CNTLN: variants seen among roughly 807,000 people sequenced by gnomAD.
CNTLN encodes the protein centlein, also known as centlein, centrosomal protein.
In CNTLN, 212 loss-of-function variants were observed where a neutral mutation model predicts 180.0. The ratio of observed to expected loss-of-function variants is 1.18; its 90% CI spans 1.05 to 1.32. CNTLN has a LOEUF of 1.32. Among genes scored for constraint, CNTLN ranks in the 40% most tolerant of loss-of-function variants. CNTLN has a pLI of 0.00. For missense variants in CNTLN, 2,095 were observed against 1,610.9 expected (o/e 1.30, Z -5.14); for synonymous variants, 722 against 563.1 (o/e 1.28, Z -3.99).
At chr9:17,369,804 T>C (rs1391730330) in intron 13 of CNTLN, among the ~76,000 whole-genome samples, 1 of 151,570 alleles carries the variant, frequency 6.6e-6, no homozygotes, top group African/African-American at 2.4e-5. Flanking sequence ...CTGGCCAATA[T>C]GGTGGAACCC....
intron 5 of CNTLN, among the ~76,000 whole-genome samples, chr9:17,253,579 A>G (rs746003975): frequency 6.6e-6 from 1 of 151,154 alleles, no homozygotes; most frequent in Non-Finnish European, 1.5e-5. Context: ...TTCATTACTA[A>G]TGTATGGAAA....
chr9:17,283,464 T>A (rs1478151534), intron 6 of CNTLN, among the ~76,000 whole-genome samples: 1 of 152,206 alleles, frequency 6.6e-6, no homozygotes, highest in South Asian at 2.1e-4. Flanking sequence ...GAGACTTTGC[T>A]GAAGTTGCAT....
At chr9:17,188,479 G>A (rs533596153) in intron 2 of CNTLN, among the ~76,000 whole-genome samples, 1 of 152,010 alleles carries the variant, frequency 6.6e-6, no homozygotes, top group Non-Finnish European at 1.5e-5. Flanking sequence ...TTATTTTACC[G>A]ATAAGAATTG....
chr9:17,205,472 G>T (rs187849004), intron 2 of CNTLN, among the ~76,000 whole-genome samples: 33 of 152,156 alleles, frequency 2.2e-4, no homozygotes, highest in African/African-American at 7.5e-4. Context: ...CACCAGAGTC[G>T]GACACCGAAC....
chr9:17,321,453 C>T (rs1050974723), intron 8 of CNTLN, among the ~76,000 whole-genome samples: 8 of 152,142 alleles, frequency 5.3e-5, no homozygotes, highest in Non-Finnish European at 5.9e-5. Context: ...CAGTGATTGA[C>T]AGTCTTAAGT....
chr9:17,447,376 T>C (rs969781000), intron 18 of CNTLN: 6 of 191,176 alleles, frequency 3.1e-5, no homozygotes, highest in Admixed American at 2.9e-4. Context: ...AAAAAGTGTT[T>C]GGAAAAGTTC....
intron 2 of CNTLN, among the ~76,000 whole-genome samples, chr9:17,214,190 TACCGG>T: frequency 6.6e-6 from 1 of 152,234 alleles, no homozygotes; most frequent in Non-Finnish European, 1.5e-5. Flanking sequence ...CAGTGACTGG[TACCGG>T]TTGTTCCTTT....
At chr9:17,135,717 C>G (rs574432918) in intron 1 of CNTLN, among the ~76,000 whole-genome samples, 12 of 152,232 alleles carry the variant, frequency 7.9e-5, no homozygotes, top group Non-Finnish European at 1.2e-4. Flanking sequence ...CGCTTCCCCC[C>G]CAAGCCCAAG....
At chr9:17,513,976 G>C in the CNTLN span, among the ~76,000 whole-genome samples, 1 of 152,094 alleles carries the variant, frequency 6.6e-6, no homozygotes, top group African/African-American at 2.4e-5. Context: ...TATATGATTT[G>C]CTAGCCAAAT....
chr9:17,394,149 A>G (rs1331263467), intron 14 of CNTLN, among the ~76,000 whole-genome samples: 1 of 152,178 alleles, frequency 6.6e-6, no homozygotes, highest in Non-Finnish European at 1.5e-5. Context: ...GAATATTGAA[A>G]AAAAGTTATT....
chr9:17,162,101 GTCTT>G (rs1468238046), intron 2 of CNTLN, among the ~76,000 whole-genome samples: 9 of 151,832 alleles, frequency 5.9e-5, no homozygotes, highest in Admixed American at 1.3e-4. Flanking sequence ...TTTGATACTT[GTCTT>G]TCTTTATTTC....
intron 2 of CNTLN, among the ~76,000 whole-genome samples, chr9:17,184,256 A>T (rs541784149): frequency 3.3e-5 from 5 of 152,168 alleles, no homozygotes; most frequent in African/African-American, 9.6e-5. Flanking sequence ...ATATATGTAT[A>T]AAAAATTCTT....
downstream of CNTLN, among the ~76,000 whole-genome samples, chr9:17,507,706 A>G (rs535889488): frequency 1.3e-5 from 2 of 152,324 alleles, no homozygotes; most frequent in African/African-American, 4.8e-5. Flanking sequence ...ATTTTTTAAA[A>G]AAGCTTCGAC....
intron 6 of CNTLN, among the ~76,000 whole-genome samples, chr9:17,275,099 T>A (rs550847292): frequency 2.0e-5 from 3 of 152,130 alleles, no homozygotes; most frequent in Admixed American, 2.0e-4. Context: ...TAAATAGGAA[T>A]AGAATCTTAG....
chr9:17,457,644 A>G lies in CNTLN; in HGVS notation c.3235A>G (p.Ile1079Val), dbSNP rs778241756. ...EENSQVTFPR[I>V]QVTSLSPSRS... ...AAATTCCCAGGTAACATTTCCACGG[A>G]TACAAGTTACATCACTTAGTCCTTC... The change falls in exon 19 of 26, where the codon ATA (isoleucine) becomes GTA (valine). Residue 1079 changes from isoleucine (I) to valine (V), a missense_variant. By Grantham distance (29) the Ile-to-Val change is conservative. Transcript: ENST00000380647. 1.3e-6 allele frequency: 2 copies of G among 1,549,616 alleles called. No homozygotes were observed. The highest frequency in any genetic ancestry group is 2.5e-5 in the South Asian group (2 of 80,846).
intron 8 of CNTLN, among the ~76,000 whole-genome samples, chr9:17,311,702 G>A (rs1819146499): frequency 6.6e-6 from 1 of 151,968 alleles, no homozygotes; most frequent in Non-Finnish European, 1.5e-5. Flanking sequence ...CCATCTACTC[G>A]GGAGGCTGAG....
At chr9:17,155,715 C>T (rs1819232369) in intron 2 of CNTLN, among the ~76,000 whole-genome samples, 1 of 152,044 alleles carries the variant, frequency 6.6e-6, no homozygotes, top group Non-Finnish European at 1.5e-5. Flanking sequence ...GGGGGTGGGA[C>T]CTGCTGAGCC....
intron 14 of CNTLN, among the ~76,000 whole-genome samples, chr9:17,393,523 C>T (rs977953974): frequency 6.6e-6 from 1 of 152,020 alleles, no homozygotes; most frequent in Non-Finnish European, 1.5e-5. Context: ...GCACAAAATC[C>T]TGAATTTGGA....
intron 21 of CNTLN, among the ~76,000 whole-genome samples, chr9:17,465,449 A>G (rs1831691633): frequency 1.3e-5 from 2 of 150,634 alleles, no homozygotes; most frequent in Admixed American, 6.6e-5. Flanking sequence ...GAATCTTTAT[A>G]TAAATAACAT....
Sources: allele counts gnomAD v4.1 joint callset (sites outside exome capture counted in the v4.1 genomes callset), GRCh38; gene constraint gnomAD v4.1.1; transcripts MANE v1.5; gene names NCBI Gene and HGNC (gene_info 2026-07-23, HGNC 2026-07-21).